ERCC6L: variants seen among roughly 807,000 people sequenced by gnomAD.
ERCC6L encodes the protein ERCC excision repair 6 like, spindle assembly checkpoint helicase, also known as DNA excision repair protein ERCC-6-like.
ERCC6L carries 7 observed loss-of-function variants against 20.1 expected under a neutral mutation model. The ratio of observed to expected loss-of-function variants is 0.35; its 90% CI spans 0.20 to 0.65. The LOEUF (loss-of-function observed/expected upper bound fraction) is 0.65, where lower values mean the gene tolerates loss of function less well. Among genes scored for constraint, ERCC6L ranks in the 30% least tolerant of loss-of-function variants. The pLI is 0.69. For missense variants in ERCC6L, 592 were observed against 892.4 expected (o/e 0.66, Z 4.29); for synonymous variants, 278 against 331.3 (o/e 0.84, Z 1.75).
intron 1 of ERCC6L, among the ~76,000 whole-genome samples, chrX:72,234,105 G>A (rs1263206956): frequency 2.8e-5 from 3 of 108,681 alleles, no homozygotes; most frequent in South Asian, 3.9e-4. Context: ...GCAAGACTCC[G>A]TCTCAAAAAA....
At chrX:72,214,404 CA>C (rs2042874892) in intron 1 of ERCC6L, among the ~76,000 whole-genome samples, 1 of 111,795 alleles carries the variant, frequency 8.9e-6, no homozygotes, top group Admixed American at 9.5e-5. Flanking sequence ...TCTTAATAGC[CA>C]AAAACTGGAA....
intron 1 of ERCC6L, among the ~76,000 whole-genome samples, chrX:72,211,742 C>T (rs1388405414): frequency 1.8e-5 from 2 of 110,015 alleles, no homozygotes; most frequent in Non-Finnish European, 3.8e-5. Context: ...CATGATCGCA[C>T]CACTGCACTA....
intron 1 of ERCC6L, among the ~76,000 whole-genome samples, chrX:72,233,742 T>C (rs1237366054): frequency 2.1e-5 from 2 of 97,470 alleles, no homozygotes; most frequent in Non-Finnish European, 1.9e-5. Context: ...AATTTGAATA[T>C]GGACTATGTA....
Position 72,207,320 on chromosome X carries a change from A to C in ERCC6L, c.1447T>G (p.Ser483Ala), listed in dbSNP as rs1425831962. ...RDEGHQTLVF[S>A]QSRQILNIIE... is the part of the protein sequence containing the mutation. ...ATGTTTAGAATTTGCCTCGATTGAGAAAACACCAGAGTTTGATGTCCCTCA... is the reference window on the plus strand; with the variant it reads ...ATGTTTAGAATTTGCCTCGATTGAGCAAACACCAGAGTTTGATGTCCCTCA... The change falls in exon 2 of 2, where the codon TCT becomes GCT. Residue 483 changes from serine to alanine, a missense_variant. Physicochemically the swap from Ser to Ala is moderately conservative, Grantham distance 99. Transcript: ENST00000334463. 2 of 1,209,556 alleles carry C rather than the reference A, an allele frequency of 1.7e-6. No individual in the cohort carries two copies. The highest frequency in any genetic ancestry group is 2.2e-6 in the Non-Finnish European group (2 of 894,776).
chrX:72,209,315 T>A (rs2042838927), intron 1 of ERCC6L, among the ~76,000 whole-genome samples: 1 of 111,941 alleles, frequency 8.9e-6, no homozygotes, highest in Non-Finnish European at 1.9e-5. Flanking sequence ...CCTAGAGCTG[T>A]CCCTCAAGCT....
intron 1 of ERCC6L, 137 bp from the exon 2 acceptor site, chrX:72,208,835 C>A (rs1438916502): frequency 4.0e-6 from 2 of 504,480 alleles, no homozygotes; most frequent in Non-Finnish European, 6.3e-6. Flanking sequence ...GATTAGCACA[C>A]AAGATGCCAA....
chrX:72,226,465 C>T lies in ERCC6L; in HGVS notation c.68+12379G>A, dbSNP rs748244660. On this transcript the variant is annotated intron_variant, in intron 1 of 1. Transcript: ENST00000334463. ...AAAGTACACAAGTTAACATATACACCGATTCTAAATATGCCTATAACACCA... is the reference window on the plus strand; with the variant it reads ...AAAGTACACAAGTTAACATATACACTGATTCTAAATATGCCTATAACACCA... Among the ~76,000 whole-genome samples, 3 of 112,135 alleles carry T rather than the reference C, an allele frequency of 2.7e-5. No individual in the cohort carries two copies. The East Asian group carries it at 8.4e-4, about 31-fold the overall frequency.
chrX:72,208,928 G>C (rs2042836701), intron 1 of ERCC6L, among the ~76,000 whole-genome samples: 1 of 111,907 alleles, frequency 8.9e-6, no homozygotes, highest in Non-Finnish European at 1.9e-5. Context: ...TGTGGAAAAT[G>C]AATGTGCAAA....
At chrX:72,224,535 T>C (rs1010230370) in intron 1 of ERCC6L, among the ~76,000 whole-genome samples, 2 of 111,566 alleles carry the variant, frequency 1.8e-5, no homozygotes, top group East Asian at 5.6e-4. Flanking sequence ...TCACCTGAGT[T>C]TGGGAGCTTG....
At chrX:72,230,733 G>T (rs2042978697) in intron 1 of ERCC6L, among the ~76,000 whole-genome samples, 1 of 111,934 alleles carries the variant, frequency 8.9e-6, no homozygotes, top group African/African-American at 3.2e-5. Context: ...GAGGCCTAGG[G>T]TGGGCAGATC....
intron 1 of ERCC6L, among the ~76,000 whole-genome samples, chrX:72,222,231 C>T (rs1030574999): frequency 4.5e-5 from 5 of 112,282 alleles, no homozygotes; most frequent in African/African-American, 1.6e-4. Context: ...GGATCCTTCT[C>T]TGACAATCCC....
At chrX:72,227,238 G>T (rs756171689) in intron 1 of ERCC6L, among the ~76,000 whole-genome samples, 132 of 111,922 alleles carry the variant, frequency 1.2e-3, no homozygotes, top group Non-Finnish European at 2.3e-3. Flanking sequence ...GGTTCAGGGT[G>T]CCTCTTTCTT....
chrX:72,235,679 C>G (rs1013945919), intron 1 of ERCC6L, among the ~76,000 whole-genome samples: 3 of 111,982 alleles, frequency 2.7e-5, no homozygotes, highest in African/African-American at 9.7e-5. Context: ...AGGCGTGAGC[C>G]ACCACACCCA....
At position 72,208,247 on chromosome X, in the gene ERCC6L, T is replaced by C. The variant is rs2042832339; in HGVS notation, c.520A>G (p.Lys174Glu). Residue 174 changes from lysine (K) to glutamate (E), a missense_variant, in exon 2 of 2, where the codon AAA becomes GAA. Lys to Glu is a moderately conservative substitution (Grantham distance 56). Coordinates refer to ENST00000334463, the MANE Select transcript of ERCC6L (RefSeq NM_017669.4). ...FIKWTPGMRVKTFHGPSKDER... is the reference protein window; with the variant it reads ...FIKWTPGMRVETFHGPSKDER... ...TCCTTGCTAGGACCATGAAAGGTTT[T>C]GACTCTCATTCCTGGAGTCCACTTG... The C allele has an allele frequency of 8.3e-7, 1 of 1,210,061 alleles. No individual in the cohort carries two copies. Among genetic ancestry groups the C allele is most frequent in the Non-Finnish European group, 1.1e-6 (1 of 895,219 alleles).
rs776516099 is a variant in ERCC6L, at chrX:72,205,533, T to G, written c.3234A>C (p.Gln1078His). 2.5e-6 allele frequency: 3 copies of G among 1,209,781 alleles called. No individual in the cohort carries two copies. The Admixed American group carries it at 6.6e-5, about 26-fold the overall frequency. ...ISPPGRFFSS[Q>H]IPSSVNKSMN... ...TAGACTTATTTACACTACTGGGTAT[T>G]TGAGATGAAAAGAACCTTCCTGGTG... The change falls in exon 2 of 2, where the codon CAA becomes CAC. Residue 1078 changes from glutamine (Q) to histidine (H), a missense_variant. By Grantham distance (24) the Gln-to-His change is conservative. Transcript: ENST00000334463.
intron 1 of ERCC6L, among the ~76,000 whole-genome samples, chrX:72,230,222 T>C (rs2042975756): frequency 9.1e-6 from 1 of 110,358 alleles, no homozygotes; most frequent in Non-Finnish European, 1.9e-5. Context: ...ATCAGGCTAT[T>C]TGAAGAGCAA....
chrX:72,205,080 T>TA lies in ERCC6L; in HGVS notation c.3686dup (p.Ser1231LysfsTer5). The stretch of plus-strand genomic sequence containing the variant: ...GCATAACTTCAGGATCTGCACTTTT[T>TA]ATGTCAAGCGCTTTAACTAAGCAGT... On this transcript the variant is annotated frameshift_variant, in exon 2 of 2. Coordinates refer to ENST00000334463, the MANE Select transcript of ERCC6L (RefSeq NM_017669.4). LOFTEE classifies it high-confidence loss of function. 8.3e-7 allele frequency: 1 copy of TA among 1,211,027 alleles called. No homozygotes were observed. Among genetic ancestry groups the TA allele is most frequent in the Non-Finnish European group, 1.1e-6 (1 of 895,248 alleles).
At chrX:72,233,653 C>T (rs1007349894) in intron 1 of ERCC6L, among the ~76,000 whole-genome samples, 27 of 104,240 alleles carry the variant, frequency 2.6e-4, no homozygotes, top group East Asian at 1.0e-3. Flanking sequence ...ACCCAGGAGG[C>T]GAAGTTTACA....
chrX:72,210,206 TAAATA>T (rs1352836704), intron 1 of ERCC6L, among the ~76,000 whole-genome samples: 28 of 66,318 alleles, frequency 4.2e-4, no homozygotes, highest in African/African-American at 1.8e-3. Flanking sequence ...TCTTAAAAAA[TAAATA>T]AATAAATAAA....
Sources: gnomAD v4.1 joint callset for allele counts (sites outside exome capture counted in the v4.1 genomes callset) on GRCh38, gnomAD v4.1.1 for gene constraint, MANE v1.5 for transcripts, NCBI Gene and HGNC (gene_info 2026-07-23, HGNC 2026-07-21) for gene names.